DNM2: variants seen among roughly 807,000 people sequenced by gnomAD.
The protein encoded by DNM2 is dynamin 2, also known as dynamin-2.
A neutral mutation model predicts 99.0 loss-of-function variants in DNM2; 15 were observed. The ratio of observed to expected loss-of-function variants is 0.15; its 90% CI spans 0.10 to 0.23. DNM2 has a LOEUF of 0.23. Among genes scored for constraint, DNM2 ranks in the 10% least tolerant of loss-of-function variants. The pLI is 1.00. For synonymous variants in DNM2, 525 were observed against 481.2 expected (o/e 1.09, Z -1.19); for missense variants, 742 against 1,189.4 (o/e 0.62, Z 5.53).
intron 6 of DNM2, chr19:10,786,363 T>C (rs1396677229): frequency 3.6e-6 from 3 of 842,002 alleles, no homozygotes; most frequent in Non-Finnish European, 3.8e-6. Context: ...CTTACACTCA[T>C]GGGCAGCTCC....
At chr19:10,761,212 C>T (rs1479498977) in intron 2 of DNM2, among the ~76,000 whole-genome samples, 1 of 152,044 alleles carries the variant, frequency 6.6e-6, no homozygotes, top group Non-Finnish European at 1.5e-5. Flanking sequence ...TGGTCTTGAT[C>T]TCTTGACCTC....
Position 10,737,721 on chromosome 19 carries a change from G to T in DNM2, c.161+19318G>T, listed in dbSNP as rs566883850. ...GCTGATCTCGAACTGCTGACTTCAG[G>T]TGATCTGCCAGCCTTGGCCTCCCAA... On this transcript the variant is annotated intron_variant, in intron 1 of 20. Transcript: ENST00000389253. 3.3e-5 allele frequency among the ~76,000 whole-genome samples: 5 copies of T among 152,284 alleles called. No homozygotes were observed. The East Asian group carries it at 7.7e-4, about 24-fold the overall frequency.
At position 10,772,469 on chromosome 19, in the gene DNM2, C is replaced by T. The variant is rs1478094557; in HGVS notation, c.236-10C>T. 2 of 1,613,958 alleles carry T rather than the reference C, an allele frequency of 1.2e-6. No homozygotes were observed. The highest frequency in any genetic ancestry group is 1.7e-6 in the Non-Finnish European group (2 of 1,180,020). On this transcript the variant is annotated splice_polypyrimidine_tract_variant and intron_variant, in intron 2 of 20. Transcript: ENST00000389253. The surrounding 1 kb of genome is among the most constrained non-coding windows in gnomAD (Gnocchi z 4.9). Reference sequence around the variant, plus strand: ...CTTTCTCATTTTCAGCATCTCTCTTCCCTTTCTAGAACATGCCGAGTTTTT... The same window carrying T: ...CTTTCTCATTTTCAGCATCTCTCTTTCCTTTCTAGAACATGCCGAGTTTTT...
At chr19:10,799,211 A>T (rs553798202) in intron 11 of DNM2, among the ~76,000 whole-genome samples, 3 of 152,258 alleles carry the variant, frequency 2.0e-5, no homozygotes, top group African/African-American at 7.2e-5. Context: ...TGGGAGACAG[A>T]GCGAGACCCC....
intron 1 of DNM2, among the ~76,000 whole-genome samples, chr19:10,754,772 TG>T (rs2070325753): frequency 6.7e-6 from 1 of 148,788 alleles, no homozygotes; most frequent in Non-Finnish European, 1.5e-5. Flanking sequence ...TTTTACTTTT[TG>T]TAGAGACAGG....
chr19:10,754,317 G>T (rs901342649), intron 1 of DNM2, among the ~76,000 whole-genome samples: 1 of 150,608 alleles, frequency 6.6e-6, no homozygotes, highest in African/African-American at 2.4e-5. Flanking sequence ...GTGCAGTGGC[G>T]CTATCTCAGC....
Position 10,796,151 on chromosome 19 carries a change from C to T in DNM2, c.1196+712C>T, listed in dbSNP as rs1453652903. Reference sequence around the variant, plus strand: ...AAGAGCCCTGTCTGAAATGTGTCGACCTGGTTATCCAGGAGCTAATCAATA... The same window carrying T: ...AAGAGCCCTGTCTGAAATGTGTCGATCTGGTTATCCAGGAGCTAATCAATA... On this transcript the variant is annotated intron_variant, in intron 9 of 20. Coordinates refer to ENST00000389253, the MANE Select transcript of DNM2 (RefSeq NM_001005361.3). This position sits in a 1 kb window ranked among gnomAD's most constrained non-coding sequence, Gnocchi z 5.6. The T allele has an allele frequency of 1.9e-6, 3 of 1,614,186 alleles. No homozygotes were observed. The South Asian group carries it at 3.3e-5, about 18-fold the overall frequency.
In DNM2 at chr19:10,772,671, C is replaced by T. The variant is rs762627970; in HGVS notation, c.385+43C>T. 17 of 1,612,616 alleles carry T rather than the reference C, an allele frequency of 1.1e-5. No homozygotes were observed. The highest frequency in any genetic ancestry group is 1.4e-5 in the Non-Finnish European group (16 of 1,179,744). On this transcript the variant is annotated intron_variant, in intron 3 of 20. Transcript: ENST00000389253. This position sits in a 1 kb window ranked among gnomAD's most constrained non-coding sequence, Gnocchi z 4.9. ...GGACCCATCACTGACCGTTTCTGGT[C>T]GTTCATGGACAGTGCTATGGGTGAG...
chr19:10,764,282 C>T lies in DNM2; in HGVS notation c.235+4471C>T, dbSNP rs1246791946. Among the ~76,000 whole-genome samples the T allele has an allele frequency of 6.6e-6, 1 of 152,196 alleles. No individual in the cohort carries two copies. The highest frequency in any genetic ancestry group is 1.5e-5 in the Non-Finnish European group (1 of 68,032). ...GGTGGCGCTGCCATCGTGGCCATGG[C>T]ACCCCATTGGCTGTGGTATGCTGTC... On this transcript the variant is annotated intron_variant, in intron 2 of 20. Transcript: ENST00000389253. The surrounding 1 kb of genome is among the most constrained non-coding windows in gnomAD (Gnocchi z 4.1).
At chr19:10,786,137 G>A (rs1050124767) in intron 6 of DNM2, among the ~76,000 whole-genome samples, 8 of 152,190 alleles carry the variant, frequency 5.3e-5, no homozygotes, top group African/African-American at 1.7e-4. Context: ...GCTTTTCTCT[G>A]TAGATGCAGA....
chr19:10,727,250 G>T (rs1229161138), intron 1 of DNM2, among the ~76,000 whole-genome samples: 1 of 152,138 alleles, frequency 6.6e-6, no homozygotes, highest in Non-Finnish European at 1.5e-5. Context: ...GCCCTTGATA[G>T]GTTCATAACA....
Position 10,776,126 on chromosome 19 carries a change from A to G in DNM2, c.589+220A>G, listed in dbSNP as rs531430374. Among the ~76,000 whole-genome samples the G allele has an allele frequency of 1.4e-3, 212 of 152,220 alleles. 8 individuals are homozygous for G. The South Asian group carries it at 0.043, about 31-fold the overall frequency. ...TTGGACGGTCCTCCTTGGACATGGC[A>G]GTGCCCATGTTGCCAGAGTGGGAAG... On this transcript the variant is annotated intron_variant, in intron 4 of 20. Transcript: ENST00000389253.
intron 2 of DNM2, among the ~76,000 whole-genome samples, chr19:10,767,997 C>T (rs768142642): frequency 2.6e-5 from 4 of 152,170 alleles, no homozygotes; most frequent in East Asian, 1.9e-4. Context: ...CAGGCAGCTG[C>T]GGCAGACCTG....
intron 1 of DNM2, among the ~76,000 whole-genome samples, chr19:10,725,273 C>T (rs1456158807): frequency 2.6e-5 from 4 of 151,980 alleles, no homozygotes; most frequent in South Asian, 2.1e-4. Context: ...TAGTGAATCC[C>T]GATCTCTACT....
intron 7 of DNM2, among the ~76,000 whole-genome samples, chr19:10,790,983 A>G (rs2071736052): frequency 6.6e-6 from 1 of 152,056 alleles, no homozygotes; most frequent in Admixed American, 6.5e-5. Context: ...ACCTAGGCTG[A>G]TCTTAAACTC....
At chr19:10,744,970 C>T (rs780972285) in intron 1 of DNM2, among the ~76,000 whole-genome samples, 4 of 152,136 alleles carry the variant, frequency 2.6e-5, no homozygotes, top group Non-Finnish European at 5.9e-5. Context: ...TGGGGTTTCT[C>T]AGTACTGCTG....
intron 1 of DNM2, among the ~76,000 whole-genome samples, chr19:10,731,240 G>A (rs1359456828): frequency 6.6e-6 from 1 of 152,108 alleles, no homozygotes; most frequent in Non-Finnish European, 1.5e-5. Flanking sequence ...GATACACAGG[G>A]TCCTTCTAGA....
chr19:10,760,463 C>A (rs1378116235), intron 2 of DNM2, among the ~76,000 whole-genome samples: 2 of 152,108 alleles, frequency 1.3e-5, no homozygotes, highest in African/African-American at 2.4e-5. Context: ...AATAAAGACG[C>A]CTGTCTACAA....
intron 7 of DNM2, among the ~76,000 whole-genome samples, chr19:10,788,264 C>G (rs2071634848): frequency 6.7e-6 from 1 of 149,990 alleles, no homozygotes; most frequent in Non-Finnish European, 1.5e-5. Flanking sequence ...AGTTGAGTGT[C>G]AGGCGAAGAC....
Sources: allele counts gnomAD v4.1 joint callset (sites outside exome capture counted in the v4.1 genomes callset), GRCh38; gene constraint gnomAD v4.1.1; non-coding constraint Gnocchi (gnomAD v3.1); transcripts MANE v1.5; gene names NCBI Gene and HGNC (gene_info 2026-07-23, HGNC 2026-07-21).